NDUFAF2: variants seen among roughly 807,000 people sequenced by gnomAD.
The protein encoded by NDUFAF2 is NADH:ubiquinone oxidoreductase complex assembly factor 2, also known as NADH dehydrogenase [ubiquinone] 1 alpha subcomplex assembly factor 2.
Under a neutral mutation model 22.8 loss-of-function variants are expected in NDUFAF2, and 13 were observed. The ratio of observed to expected loss-of-function variants is 0.57; its 90% CI spans 0.37 to 0.91. The LOEUF (loss-of-function observed/expected upper bound fraction) is 0.91, where lower values mean the gene tolerates loss of function less well. NDUFAF2 is among the 40% of genes least tolerant of loss of function. The pLI, the probability that NDUFAF2 is intolerant of heterozygous loss-of-function variation, is 0.01. For missense variants in NDUFAF2, 162 were observed against 195.2 expected, an observed-to-expected ratio of 0.83 and a Z score of 1.01; for synonymous variants, 53 against 64.2, an observed-to-expected ratio of 0.83 and a Z score of 0.84.
chr5:60,994,615 T>A (rs891236077), intron 1 of NDUFAF2, among the ~76,000 whole-genome samples: 1 of 152,230 alleles, frequency 6.6e-6, no homozygotes, highest in African/African-American at 2.4e-5. Context: ...GCTTTTAGGA[T>A]CCTTTCTTTA....
chr5:61,119,525 C>T (rs1202503275), intron 3 of NDUFAF2, among the ~76,000 whole-genome samples: 1 of 152,032 alleles, frequency 6.6e-6, no homozygotes, highest in African/African-American at 2.4e-5. Context: ...TAAAGTTATT[C>T]TGGGATTTCT....
intron 3 of NDUFAF2, among the ~76,000 whole-genome samples, chr5:61,150,094 G>A (rs1741208497): frequency 6.6e-6 from 1 of 152,230 alleles, no homozygotes; most frequent in South Asian, 2.1e-4. Context: ...ACAATGCACA[G>A]CTAATTTTTG....
At chr5:60,996,310 G>T (rs1751228044) in intron 1 of NDUFAF2, among the ~76,000 whole-genome samples, 1 of 152,120 alleles carries the variant, frequency 6.6e-6, no homozygotes, top group Admixed American at 6.5e-5. Flanking sequence ...GTTTCCTTCT[G>T]GACCAGGGTG....
chr5:61,080,423 C>A (rs563893601), intron 2 of NDUFAF2, among the ~76,000 whole-genome samples: 3 of 152,188 alleles, frequency 2.0e-5, no homozygotes, highest in Non-Finnish European at 4.4e-5. Context: ...TTATAAAAAA[C>A]TGCCAAGATA....
intron 3 of NDUFAF2, among the ~76,000 whole-genome samples, chr5:61,148,973 T>TAAA (rs1384900226): frequency 5.3e-5 from 8 of 152,146 alleles, no homozygotes; most frequent in African/African-American, 1.9e-4. Flanking sequence ...ATTGTTGGTT[T>TAAA]ATTCATTTAT....
intron 1 of NDUFAF2, among the ~76,000 whole-genome samples, chr5:61,053,700 C>G (rs1371449518): frequency 6.6e-6 from 1 of 151,618 alleles, no homozygotes; most frequent in African/African-American, 2.4e-5. Flanking sequence ...ACCCCATGGA[C>G]AAAGTAGGAT....
At chr5:61,055,335 T>TAATTCACA (rs746760429) in intron 1 of NDUFAF2, among the ~76,000 whole-genome samples, 3 of 152,236 alleles carry the variant, frequency 2.0e-5, no homozygotes, top group Non-Finnish European at 4.4e-5. Flanking sequence ...AAATTGCTTT[T>TAATTCACA]AATTCACAAT....
In NDUFAF2 at chr5:60,975,953, G is replaced by A. The variant is rs983306379; in HGVS notation, c.127+30571G>A. Among the ~76,000 whole-genome samples, 11 of 152,180 alleles carry A rather than the reference G, an allele frequency of 7.2e-5. No individual in the cohort carries two copies. The East Asian group carries it at 1.2e-3, about 16-fold the overall frequency. ...TTTGTGGAATTAAATTATAATCAGC[G>A]TTGCAATACTTTTAAATTAGTCTTG... On this transcript the variant is annotated intron_variant, in intron 1 of 3. Coordinates refer to ENST00000296597, the MANE Select transcript of NDUFAF2 (RefSeq NM_174889.5).
intron 1 of NDUFAF2, among the ~76,000 whole-genome samples, chr5:61,046,736 C>T (rs1484598442): frequency 1.5e-4 from 23 of 152,038 alleles, no homozygotes; most frequent in Admixed American, 1.5e-3. Context: ...AAGTAAGTAT[C>T]CCTTCATTTA....
At chr5:61,136,670 G>A (rs937049571) in intron 3 of NDUFAF2, among the ~76,000 whole-genome samples, 6 of 152,274 alleles carry the variant, frequency 3.9e-5, no homozygotes, top group East Asian at 1.9e-4. Flanking sequence ...AAGCATTAGA[G>A]TTGAACAGTA....
chr5:60,974,247 G>A lies in NDUFAF2; in HGVS notation c.127+28865G>A, dbSNP rs544350548. On this transcript the variant is annotated intron_variant, in intron 1 of 3. Transcript: ENST00000296597. ...GCTTCATCTTTCTCCTATGCCGGACGCTTCCTGCCCTCAAACATTAGACTC... is the reference window on the plus strand; with the variant it reads ...GCTTCATCTTTCTCCTATGCCGGACACTTCCTGCCCTCAAACATTAGACTC... 5.3e-5 allele frequency among the ~76,000 whole-genome samples: 8 copies of A among 152,264 alleles called. No homozygotes were observed. In the South Asian group the frequency reaches 1.7e-3, roughly 32 times the overall value.
intron 1 of NDUFAF2, among the ~76,000 whole-genome samples, chr5:61,067,272 T>TA (rs1276709068): frequency 6.6e-6 from 1 of 151,972 alleles, no homozygotes; most frequent in African/African-American, 2.4e-5. Context: ...ACTCGTCATT[T>TA]AGCATTAGGT....
chr5:61,004,256 A>C (rs1470217134), intron 1 of NDUFAF2, among the ~76,000 whole-genome samples: 1 of 152,008 alleles, frequency 6.6e-6, no homozygotes, highest in Non-Finnish European at 1.5e-5. Flanking sequence ...CATATATCTC[A>C]TGTACTTTCT....
chr5:61,049,010 A>G lies in NDUFAF2; in HGVS notation c.128-24115A>G, dbSNP rs185613795. On this transcript the variant is annotated intron_variant, in intron 1 of 3. Coordinates refer to ENST00000296597, the MANE Select transcript of NDUFAF2 (RefSeq NM_174889.5). ...CTTCATCATCTGTTGGGGCCAAGGT[A>G]TATTTTAAAAATCAATGTATAATAA... 5.8e-3 allele frequency among the ~76,000 whole-genome samples: 888 copies of G among 152,240 alleles called. 11 individuals are homozygous for G. Among genetic ancestry groups the G allele is most frequent in the South Asian group, 0.028 (134 of 4,826 alleles).
At chr5:61,067,752 T>C (rs1263247244) in intron 1 of NDUFAF2, among the ~76,000 whole-genome samples, 1 of 152,128 alleles carries the variant, frequency 6.6e-6, no homozygotes, top group Non-Finnish European at 1.5e-5. Flanking sequence ...TCCACAGTGG[T>C]TGAACTAGTT....
chr5:60,951,714 G>A (rs1750550891), intron 1 of NDUFAF2, among the ~76,000 whole-genome samples: 1 of 152,036 alleles, frequency 6.6e-6, no homozygotes, highest in East Asian at 1.9e-4. Context: ...TATAAAGTGA[G>A]TTAAATTTTG....
At chr5:61,040,274 A>ACGCGCG (rs1336069548) in intron 1 of NDUFAF2, among the ~76,000 whole-genome samples, 3 of 120,400 alleles carry the variant, frequency 2.5e-5, no homozygotes, top group South Asian at 5.6e-4. Flanking sequence ...ACACACACAC[A>ACGCGCG]CACACACACA....
At chr5:60,952,861 C>G (rs941667910) in intron 1 of NDUFAF2, among the ~76,000 whole-genome samples, 2 of 151,866 alleles carry the variant, frequency 1.3e-5, no homozygotes, top group Non-Finnish European at 2.9e-5. Flanking sequence ...CATGTATTTT[C>G]AATACCTATT....
At chr5:61,074,492 C>G (rs1435091832) in intron 2 of NDUFAF2, among the ~76,000 whole-genome samples, 1 of 152,150 alleles carries the variant, frequency 6.6e-6, no homozygotes, top group Non-Finnish European at 1.5e-5. Flanking sequence ...GAGGCTGAGG[C>G]AGGAGAATCA....
Sources: gnomAD v4.1 joint callset for allele counts (sites outside exome capture counted in the v4.1 genomes callset) on GRCh38, gnomAD v4.1.1 for gene constraint, MANE v1.5 for transcripts, NCBI Gene and HGNC (gene_info 2026-07-23, HGNC 2026-07-21) for gene names.